BTAF1: variants seen among roughly 807,000 people sequenced by gnomAD.
BTAF1 encodes TATA-binding protein-associated factor 172.
BTAF1 carries 38 observed loss-of-function variants against 227.1 expected under a neutral mutation model. The ratio of observed to expected loss-of-function variants is 0.17; its 90% CI spans 0.13 to 0.22. The LOEUF (loss-of-function observed/expected upper bound fraction) is 0.22. Among genes scored for constraint, BTAF1 ranks in the 10% least tolerant of loss-of-function variants. The pLI is 1.00. For missense variants in BTAF1, 1,598 were observed against 2,204.0 expected, an observed-to-expected ratio of 0.73 and a Z score of 5.51; for synonymous variants, 742 against 751.9, an observed-to-expected ratio of 0.99 and a Z score of 0.21.
At chr10:91,940,910 G>A (rs1844950526) in intron 3 of BTAF1, among the ~76,000 whole-genome samples, 3 of 151,912 alleles carry the variant, frequency 2.0e-5, no homozygotes, top group Admixed American at 2.0e-4. Flanking sequence ...GGGGGGTGGG[G>A]TTTGAATCCC....
chr10:91,950,464 T>G (rs1845695168), intron 4 of BTAF1, among the ~76,000 whole-genome samples: 1 of 152,114 alleles, frequency 6.6e-6, no homozygotes, highest in Admixed American at 6.6e-5. Context: ...AGCAGATCGT[T>G]ATTGTTTTTA....
chr10:91,942,825 A>G (rs1845103619), intron 4 of BTAF1, among the ~76,000 whole-genome samples: 1 of 152,176 alleles, frequency 6.6e-6, no homozygotes, highest in African/African-American at 2.4e-5. Flanking sequence ...TTCAGCAACA[A>G]TTTTATTATG....
At chr10:91,928,552 A>G (rs769779285) in intron 1 of BTAF1, among the ~76,000 whole-genome samples, 3 of 152,142 alleles carry the variant, frequency 2.0e-5, no homozygotes, top group Non-Finnish European at 2.9e-5. Flanking sequence ...CCTCAGCAAA[A>G]AACAAATTAG....
intron 1 of BTAF1, among the ~76,000 whole-genome samples, chr10:91,934,776 T>C (rs1844493831): frequency 6.6e-6 from 1 of 152,170 alleles, no homozygotes; most frequent in South Asian, 2.1e-4. Flanking sequence ...CTCTTATTGT[T>C]GTGTTCTTGT....
intron 14 of BTAF1, among the ~76,000 whole-genome samples, chr10:91,970,617 C>G (rs982965718): frequency 6.6e-6 from 1 of 152,158 alleles, no homozygotes; most frequent in African/African-American, 2.4e-5. Flanking sequence ...CCACTGGGTC[C>G]CTATAACAAC....
chr10:91,928,799 T>A (rs1241917720), intron 1 of BTAF1, among the ~76,000 whole-genome samples: 1 of 117,624 alleles, frequency 8.5e-6, no homozygotes, highest in East Asian at 3.0e-4. Flanking sequence ...CAACCTGAGA[T>A]GGATTTCTTT....
intron 4 of BTAF1, among the ~76,000 whole-genome samples, chr10:91,945,802 G>C (rs1845324521): frequency 6.6e-6 from 1 of 152,204 alleles, no homozygotes; most frequent in African/African-American, 2.4e-5. Flanking sequence ...TATATACCCA[G>C]AAGTAAATGG....
chr10:92,025,056 T>C, intron 35 of BTAF1, 89 bp downstream of exon 35: 1 of 1,137,072 alleles, frequency 8.8e-7, no homozygotes, highest in South Asian at 1.5e-5. Flanking sequence ...ATTGGCTAAA[T>C]ATCTGCAAAT....
chr10:91,995,693 A>G (rs1436466851), intron 23 of BTAF1, among the ~76,000 whole-genome samples: 1 of 150,976 alleles, frequency 6.6e-6, no homozygotes, highest in Non-Finnish European at 1.5e-5. Context: ...AAAAGAAGGA[A>G]AAAAAAAAGT....
intron 24 of BTAF1, 67 bp from the exon 25 acceptor site, chr10:91,997,536 G>GT: frequency 7.2e-7 from 1 of 1,385,126 alleles, no homozygotes; most frequent in Non-Finnish European, 1.0e-6. Flanking sequence ...TAAAATCTTG[G>GT]TATCAGTTTG....
intron 23 of BTAF1, 142 bp from the exon 24 acceptor site, chr10:91,996,227 T>C (rs117060590): frequency 0.01 from 6,967 of 670,104 alleles, 82 homozygotes; most frequent in Middle Eastern, 0.026. Context: ...GAGAATGTTT[T>C]GGCAGTAATG....
At chr10:92,005,047 A>G (rs1317456963) in intron 25 of BTAF1, among the ~76,000 whole-genome samples, 3 of 152,052 alleles carry the variant, frequency 2.0e-5, no homozygotes, top group Non-Finnish European at 4.4e-5. Flanking sequence ...TTAACTGTAA[A>G]TGCATGCATT....
At position 92,014,875 on chromosome 10, in the gene BTAF1, T is replaced by C. The variant is rs201673545; in HGVS notation, c.4584+846T>C. On this transcript the variant is annotated intron_variant, in intron 32 of 37. Coordinates refer to ENST00000265990, the MANE Select transcript of BTAF1 (RefSeq NM_003972.3). ...GCCAATTGTTCCAAGGCTACAAACC[T>C]GTACAGCATGTTACTGTACTGAGTA... 1.3e-4 allele frequency among the ~76,000 whole-genome samples: 20 copies of C among 152,350 alleles called. No individual in the cohort carries two copies. The East Asian group carries it at 3.3e-3, about 25-fold the overall frequency.
Position 92,031,055 on chromosome 10 carries a change from A to C in BTAF1, c.*2122A>C, listed in dbSNP as rs1851865086. Among the ~76,000 whole-genome samples the C allele has an allele frequency of 6.6e-6, 1 of 152,212 alleles. No homozygotes were observed. Among genetic ancestry groups the C allele is most frequent in the Non-Finnish European group, 1.5e-5 (1 of 68,030 alleles). The stretch of plus-strand genomic sequence containing the variant: ...TATGGGTGTGGGAAGTCAAACAAGC[A>C]TGATAGAATGTTAACTATTTTAAAC... On this transcript the variant is annotated 3_prime_UTR_variant, in exon 38 of 38. Transcript: ENST00000265990.
Position 92,003,008 on chromosome 10 carries a change from T to G in BTAF1, c.3661-5115T>G, listed in dbSNP as rs539784657. On this transcript the variant is annotated intron_variant, in intron 25 of 37. Coordinates refer to ENST00000265990, the MANE Select transcript of BTAF1 (RefSeq NM_003972.3). ...CCCATCTCTACTGAAAATACAAAAG[T>G]TAGCTGGGCATGGTGGCACGCACCT... 1.1e-3 allele frequency among the ~76,000 whole-genome samples: 171 copies of G among 152,112 alleles called. 1 individual carries two copies. The highest frequency in any genetic ancestry group is 4.0e-3 in the African/African-American group (166 of 41,500).
In BTAF1 at chr10:91,994,638, T is replaced by C. The variant is rs769342723; in HGVS notation, c.3303T>C (p.His1101=). 1.9e-6 allele frequency: 3 copies of C among 1,610,476 alleles called. No homozygotes were observed. The South Asian group carries it at 3.3e-5, about 18-fold the overall frequency. The part of the protein sequence containing the change: ...TAAASMDSEL[H]PLLVQHLPHL... ...CAGCTTCAATGGATTCTGAGCTTCA[T>C]CCCTTGGTAACTAACTAATGCAAGT... is the stretch of plus-strand genomic sequence containing the variant. The change falls in exon 23 of 38, where the codon CAT becomes CAC. Residue 1101 remains histidine, a synonymous_variant. Transcript: ENST00000265990.
chr10:91,953,121 G>T (rs1353652846), intron 5 of BTAF1, among the ~76,000 whole-genome samples: 3 of 152,152 alleles, frequency 2.0e-5, no homozygotes, highest in Non-Finnish European at 4.4e-5. Context: ...CCACACCAGT[G>T]ACCTTAACTG....
chr10:91,971,652 A>C (rs1408425274), intron 14 of BTAF1, among the ~76,000 whole-genome samples: 1 of 151,730 alleles, frequency 6.6e-6, no homozygotes, highest in Non-Finnish European at 1.5e-5. Context: ...TTGTATTTTT[A>C]GTAGAGACAG....
rs1297896130 is a variant in BTAF1, at chr10:91,995,591, A to G, written c.3310-778A>G. ...CTTGGGAGGCTGAGGCAGGAGAATC[A>G]CTGGAACCCGGGAGGCAGAGGTTGC... On this transcript the variant is annotated intron_variant, in intron 23 of 37. Coordinates refer to ENST00000265990, the MANE Select transcript of BTAF1 (RefSeq NM_003972.3). 2.0e-5 allele frequency among the ~76,000 whole-genome samples: 3 copies of G among 151,810 alleles called. No homozygotes were observed. In the East Asian group the frequency reaches 5.8e-4, roughly 29 times the overall value.
Sources: allele counts gnomAD v4.1 joint callset (sites outside exome capture counted in the v4.1 genomes callset), GRCh38; gene constraint gnomAD v4.1.1; transcripts MANE v1.5; gene names NCBI Gene and HGNC (gene_info 2026-07-23, HGNC 2026-07-21).